The following FAM91A1 variants were observed in gnomAD, a reference collection of about 807,000 sequenced individuals.
FAM91A1 encodes the protein protein FAM91A1.
A neutral mutation model predicts 113.5 loss-of-function variants in FAM91A1; 41 were observed. That is an observed-to-expected ratio of 0.36 (90% CI 0.28 to 0.47). The LOEUF is 0.47. Among genes scored for constraint, FAM91A1 ranks in the 20% least tolerant of loss-of-function variants. The pLI is 1.00. For synonymous variants in FAM91A1, 307 were observed against 347.9 expected, an observed-to-expected ratio of 0.88 and a Z score of 1.31; for missense variants, 696 against 1,001.2, an observed-to-expected ratio of 0.70 and a Z score of 4.11.
At chr8:123,771,091 A>G (rs1003312709) in intron 1 of FAM91A1, among the ~76,000 whole-genome samples, 9 of 152,236 alleles carry the variant, frequency 5.9e-5, no homozygotes, top group South Asian at 2.1e-4. Context: ...TATTAATAGC[A>G]TATTTTGATT....
chr8:123,797,384 G>A (rs2130125376), intron 15 of FAM91A1, among the ~76,000 whole-genome samples: 1 of 152,246 alleles, frequency 6.6e-6, no homozygotes, highest in Non-Finnish European at 1.5e-5. Flanking sequence ...TGTGTTTACA[G>A]TGTGTAAAGT....
chr8:123,779,337 A>T (rs1036211266), intron 6 of FAM91A1, among the ~76,000 whole-genome samples: 1 of 152,158 alleles, frequency 6.6e-6, no homozygotes, highest in African/African-American at 2.4e-5. Flanking sequence ...AGGTGCTTTT[A>T]TGGGGCGATA....
chr8:123,775,644 A>G (rs1814965484), intron 3 of FAM91A1, among the ~76,000 whole-genome samples: 1 of 152,144 alleles, frequency 6.6e-6, no homozygotes, highest in African/African-American at 2.4e-5. Context: ...AATGTGGGTG[A>G]CAGAATTGAA....
At chr8:123,792,180 A>G (rs546167826) in intron 15 of FAM91A1, among the ~76,000 whole-genome samples, 1 of 146,674 alleles carries the variant, frequency 6.8e-6, no homozygotes, top group East Asian at 1.9e-4. Context: ...GTCTCAGAAG[A>G]AAAAAAAGAA....
chr8:123,798,378 T>C, intron 16 of FAM91A1, 140 bp downstream of exon 16: 1 of 938,762 alleles, frequency 1.1e-6, no homozygotes. Flanking sequence ...TGTAAGATGA[T>C]ATGTTCAATT....
intron 19 of FAM91A1, 50 bp downstream of exon 19, chr8:123,805,389 T>G: frequency 7.3e-7 from 1 of 1,379,006 alleles, no homozygotes. Context: ...TAATTATTAC[T>G]CATGTCAACA....
chr8:123,789,645 A>C lies in FAM91A1; in HGVS notation c.1311A>C (p.Arg437Ser). Residue 437 changes from arginine to serine, a missense_variant, in exon 15 of 24, where the codon AGA becomes AGC. Physicochemically the swap from Arg to Ser is moderately radical, Grantham distance 110. Coordinates refer to ENST00000334705, the MANE Select transcript of FAM91A1 (RefSeq NM_144963.4). ...VQSTGEGEAQ[R>S]YFDHALTLRN... ...GCACTGGTGAAGGAGAAGCACAGAG[A>C]TATTTTGATCATGCACTTACTCTGA... 6.2e-7 allele frequency: 1 copy of C among 1,611,990 alleles called. No individual in the cohort carries two copies. The highest frequency in any genetic ancestry group is 2.2e-5 in the East Asian group (1 of 44,840).
At chr8:123,800,341 TTAC>T (rs1815643211) in intron 18 of FAM91A1, among the ~76,000 whole-genome samples, 1 of 151,948 alleles carries the variant, frequency 6.6e-6, no homozygotes, top group African/African-American at 2.4e-5. Flanking sequence ...TTAACAACAA[TTAC>T]TAATAAGAAA....
At chr8:123,808,814 A>C (rs1488656263) in intron 21 of FAM91A1, 79 bp from the exon 22 acceptor site, 1 of 1,351,872 alleles carries the variant, frequency 7.4e-7, no homozygotes, top group Non-Finnish European at 9.8e-7. Flanking sequence ...TCAGGTTAAG[A>C]AACCCTTGTC....
At chr8:123,787,874 C>T (rs1409406267) in intron 14 of FAM91A1, 124 bp downstream of exon 14, 8 of 663,296 alleles carry the variant, frequency 1.2e-5, no homozygotes, top group Non-Finnish European at 1.9e-5. Context: ...TCGTTCCTAC[C>T]TCATTCCCCA....
chr8:123,799,757 AT>A lies in FAM91A1; in HGVS notation c.1696-12del, dbSNP rs768569917. On this transcript the variant is annotated splice_polypyrimidine_tract_variant and intron_variant, in intron 17 of 23. Transcript: ENST00000334705. ...TTTCTGAATGCCATTTTACCTGTTA[AT>A]TTCTTTTCAATAGAGTTATGATCGA... 12 of 1,605,740 alleles carry A rather than the reference AT, an allele frequency of 7.5e-6. No individual in the cohort carries two copies. The South Asian group carries it at 1.1e-4, about 15-fold the overall frequency.
chr8:123,780,161 G>A, intron 7 of FAM91A1, 86 bp downstream of exon 7: 1 of 1,112,138 alleles, frequency 9.0e-7, no homozygotes, highest in East Asian at 2.4e-5. Context: ...TTATCAAGTA[G>A]GTACAAATAG....
intron 4 of FAM91A1, 127 bp from the exon 5 acceptor site, chr8:123,777,898 T>A (rs1221998541): frequency 1.4e-6 from 1 of 706,490 alleles, no homozygotes; most frequent in East Asian, 2.9e-5. Flanking sequence ...CCTTTTAATT[T>A]GATATTGATA....
At chr8:123,783,171 G>A (rs1815165081) in intron 8 of FAM91A1, among the ~76,000 whole-genome samples, 2 of 152,002 alleles carry the variant, frequency 1.3e-5, no homozygotes, top group Non-Finnish European at 2.9e-5. Context: ...GTGAGACCCT[G>A]TCTCAATAAA....
intron 11 of FAM91A1, 28 bp downstream of exon 11, chr8:123,785,769 A>G (rs1586377840): frequency 1.5e-6 from 2 of 1,305,874 alleles, no homozygotes; most frequent in Non-Finnish European, 2.1e-6. Flanking sequence ...AGTATGAGCT[A>G]TTAGAGTTTC....
At chr8:123,778,989 T>C (rs975028996) in intron 6 of FAM91A1, among the ~76,000 whole-genome samples, 10 of 152,188 alleles carry the variant, frequency 6.6e-5, no homozygotes, top group African/African-American at 2.2e-4. Flanking sequence ...TCAAGTACAG[T>C]TATCTGGGGA....
chr8:123,773,951 TATTTA>T (rs1167397725), intron 1 of FAM91A1, 124 bp from the exon 2 acceptor site: 1 of 671,268 alleles, frequency 1.5e-6, no homozygotes, highest in East Asian at 2.9e-5. Context: ...AAATATTTTT[TATTTA>T]ATTCTGCAAA....
intron 6 of FAM91A1, 147 bp from the exon 7 acceptor site, chr8:123,779,837 GT>G: frequency 1.6e-6 from 1 of 610,744 alleles, no homozygotes; most frequent in South Asian, 2.9e-5. Flanking sequence ...TATGTGCACA[GT>G]TTTTTGTTTG....
intron 1 of FAM91A1, among the ~76,000 whole-genome samples, chr8:123,772,985 G>A (rs1414727249): frequency 6.6e-6 from 1 of 152,136 alleles, no homozygotes; most frequent in Non-Finnish European, 1.5e-5. Flanking sequence ...AATACAGGAA[G>A]TGTTGGTCTT....
Sources: gnomAD v4.1 joint callset for allele counts (sites outside exome capture counted in the v4.1 genomes callset) on GRCh38, gnomAD v4.1.1 for gene constraint, MANE v1.5 for transcripts, NCBI Gene and HGNC (gene_info 2026-07-23, HGNC 2026-07-21) for gene names.